The following PDE4D variants were observed in gnomAD, a reference collection of about 807,000 sequenced individuals.
PDE4D encodes the protein 3',5'-cyclic-AMP phosphodiesterase 4D.
A neutral mutation model predicts 87.4 loss-of-function variants in PDE4D; 24 were observed. That is an observed-to-expected ratio of 0.27 (90% CI 0.20 to 0.39). The LOEUF is 0.39. Ranked by LOEUF, PDE4D falls within the 10% of genes least tolerant of loss-of-function variation. The pLI is 1.00. For missense variants in PDE4D, 714 were observed against 1,041.0 expected (o/e 0.69, Z 4.32); for synonymous variants, 384 against 383.2 (o/e 1.00, Z -0.02).
intron 1 of PDE4D, among the ~76,000 whole-genome samples, chr5:59,593,339 A>C (rs1323393313): frequency 6.6e-6 from 1 of 151,672 alleles, no homozygotes. Context: ...AAAAAAAGAG[A>C]AATGTTGTAA....
At chr5:59,346,228 G>C (rs1406605079) in intron 1 of PDE4D, among the ~76,000 whole-genome samples, 1 of 152,114 alleles carries the variant, frequency 6.6e-6, no homozygotes. Flanking sequence ...GGGTCCCCTT[G>C]GGAGCTGGTA....
intron 1 of PDE4D, among the ~76,000 whole-genome samples, chr5:59,709,109 G>A (rs1753848256): frequency 6.6e-6 from 1 of 152,080 alleles, no homozygotes; most frequent in Non-Finnish European, 1.5e-5. Context: ...AAACAGAGTT[G>A]CATGGAAGTA....
chr5:59,785,095 A>G (rs1035367667), intron 1 of PDE4D, among the ~76,000 whole-genome samples: 5 of 152,196 alleles, frequency 3.3e-5, no homozygotes, highest in African/African-American at 9.7e-5. Flanking sequence ...ATGGGCAAAT[A>G]TTTAGGAAAA....
At chr5:59,586,282 T>G (rs77025776) in intron 1 of PDE4D, 1 of 1,394,028 alleles carries the variant, frequency 7.2e-7, no homozygotes, top group African/African-American at 1.4e-5. Context: ...GTCACGGAAT[T>G]TGATAATTCT....
chr5:59,966,145 T>C (rs984405079), intron 3 of PDE4D, among the ~76,000 whole-genome samples: 1 of 152,182 alleles, frequency 6.6e-6, no homozygotes, highest in Non-Finnish European at 1.5e-5. Context: ...AAAGTTAGTT[T>C]ACAAAGGCAA....
chr5:59,479,264 G>A (rs540399400), intron 1 of PDE4D, among the ~76,000 whole-genome samples: 5 of 151,918 alleles, frequency 3.3e-5, no homozygotes, highest in African/African-American at 4.8e-5. Flanking sequence ...AATGCTCCCT[G>A]GAGAGTTCCT....
At chr5:59,812,819 A>G (rs1014623317) in intron 1 of PDE4D, among the ~76,000 whole-genome samples, 2 of 152,222 alleles carry the variant, frequency 1.3e-5, no homozygotes, top group Non-Finnish European at 2.9e-5. Context: ...TTATTTTGCA[A>G]TCTTATTAGC....
At chr5:59,226,200 C>T (rs1424083892) in intron 1 of PDE4D, among the ~76,000 whole-genome samples, 2 of 152,098 alleles carry the variant, frequency 1.3e-5, no homozygotes, top group Non-Finnish European at 2.9e-5. Context: ...TTTATATTCC[C>T]ATATTCATTT....
intron 2 of PDE4D, among the ~76,000 whole-genome samples, chr5:60,075,666 T>C (rs1003544530): frequency 2.0e-5 from 3 of 152,210 alleles, no homozygotes; most frequent in Non-Finnish European, 4.4e-5. Flanking sequence ...ATTTGGTCTC[T>C]TTACATAATA....
At chr5:60,450,329 CA>C (rs1184885464) in intron 1 of PDE4D, among the ~76,000 whole-genome samples, 5 of 151,942 alleles carry the variant, frequency 3.3e-5, no homozygotes, top group Non-Finnish European at 2.9e-5. Flanking sequence ...TCTAGGTATT[CA>C]AAAGGTGGTT....
intron 1 of PDE4D, among the ~76,000 whole-genome samples, chr5:60,209,462 C>G (rs557210433): frequency 6.6e-6 from 1 of 152,180 alleles, no homozygotes; most frequent in South Asian, 2.1e-4. Flanking sequence ...AGAATTTTAG[C>G]AACACTTCAA....
chr5:59,535,722 A>T (rs977136148), intron 1 of PDE4D, among the ~76,000 whole-genome samples: 1 of 152,238 alleles, frequency 6.6e-6, no homozygotes, highest in Non-Finnish European at 1.5e-5. Flanking sequence ...ACAACTTATA[A>T]TAAATACATC....
intron 1 of PDE4D, among the ~76,000 whole-genome samples, chr5:59,379,688 T>C (rs13164719): frequency 0.19 from 29,507 of 152,004 alleles, 4,372 homozygotes; most frequent in African/African-American, 0.41. Context: ...TCATGTGAAA[T>C]ACATAGAATA....
At chr5:59,951,171 A>G (rs1758258397) in intron 3 of PDE4D, among the ~76,000 whole-genome samples, 1 of 152,150 alleles carries the variant, frequency 6.6e-6, no homozygotes, top group South Asian at 2.1e-4. Context: ...AGAAAAAAGA[A>G]CTAAGGAATA....
At chr5:59,282,368 CGGTGG>C (rs1765980055) in intron 1 of PDE4D, among the ~76,000 whole-genome samples, 1 of 151,876 alleles carries the variant, frequency 6.6e-6, no homozygotes, top group Non-Finnish European at 1.5e-5. Context: ...AGGCTGCGCG[CGGTGG>C]CTCATGCCTA....
intron 1 of PDE4D, among the ~76,000 whole-genome samples, chr5:60,293,377 G>A (rs549610075): frequency 1.3e-5 from 2 of 152,106 alleles, no homozygotes; most frequent in East Asian, 3.9e-4. Context: ...CGCCTAGCAT[G>A]GTGGCACACG....
chr5:59,768,938 C>A (rs1363743238), intron 1 of PDE4D, among the ~76,000 whole-genome samples: 1 of 152,180 alleles, frequency 6.6e-6, no homozygotes, highest in African/African-American at 2.4e-5. Context: ...GGTTGTTTGG[C>A]TAGTCTTTCC....
intron 3 of PDE4D, among the ~76,000 whole-genome samples, chr5:59,974,108 C>T (rs751313855): frequency 2.5e-4 from 38 of 152,192 alleles, no homozygotes; most frequent in Non-Finnish European, 4.6e-4. Flanking sequence ...CGTTTACAGA[C>T]GAATGTTTTC....
intron 2 of PDE4D, among the ~76,000 whole-genome samples, chr5:60,171,809 C>G (rs1023817278): frequency 6.6e-6 from 1 of 151,898 alleles, no homozygotes; most frequent in Admixed American, 6.6e-5. Context: ...TACTCATATC[C>G]AGACAAGAGG....
Sources: gnomAD v4.1 joint callset for allele counts (sites outside exome capture counted in the v4.1 genomes callset) on GRCh38, gnomAD v4.1.1 for gene constraint, MANE v1.5 for transcripts, NCBI Gene and HGNC (gene_info 2026-07-23, HGNC 2026-07-21) for gene names.